F8: variants seen among roughly 807,000 people sequenced by gnomAD.
F8 encodes coagulation factor VIII.
F8 carries 12 observed loss-of-function variants against 140.6 expected under a neutral mutation model. The observed-to-expected ratio is 0.09, with a 90% CI of 0.05 to 0.14. F8 has a LOEUF of 0.14. F8 is among the 10% of genes least tolerant of loss of function. F8 has a pLI of 1.00. For missense variants in F8, 1,354 were observed against 1,720.7 expected (o/e 0.79, Z 3.77); for synonymous variants, 585 against 614.6 (o/e 0.95, Z 0.71).
intron 22 of F8, among the ~76,000 whole-genome samples, chrX:154,878,451 A>C (rs28838308): frequency 3.0e-5 from 3 of 99,236 alleles, no homozygotes; most frequent in Non-Finnish European, 6.0e-5. Flanking sequence ...AAAAAAAAAA[A>C]CCACTAAGCA....
intron 22 of F8, among the ~76,000 whole-genome samples, chrX:154,881,444 C>G (rs2148576917): frequency 9.6e-6 from 1 of 103,793 alleles, no homozygotes; most frequent in South Asian, 4.0e-4. Context: ...CTTGCCAGAT[C>G]CACTCCTATT....
In F8 at chrX:154,902,024, G is replaced by A. The variant is rs375609267; in HGVS notation, c.6115+27C>T. ...GTAAAGAAGTAGGCTGAGTAGGTAG[G>A]GAACCTCTGCCCACATTGCTACTCA... On this transcript the variant is annotated intron_variant, in intron 19 of 25. Coordinates refer to ENST00000360256, the MANE Select transcript of F8 (RefSeq NM_000132.4). 6.4e-5 allele frequency: 65 copies of A among 1,013,228 alleles called. No homozygotes were observed. The African/African-American group carries it at 1.1e-3, about 18-fold the overall frequency. 83.5% of individuals were successfully genotyped at this position (1,013,228 alleles called of 1,213,427 possible).
chrX:154,893,597 A>AT (rs781832349), intron 22 of F8, among the ~76,000 whole-genome samples: 55 of 110,375 alleles, frequency 5.0e-4, no homozygotes, highest in Admixed American at 4.4e-3. Flanking sequence ...CTAAACTCTG[A>AT]TTTTTTTTTA....
At chrX:154,978,586 A>G (rs1316132683) in intron 6 of F8, among the ~76,000 whole-genome samples, 1 of 111,279 alleles carries the variant, frequency 9.0e-6, no homozygotes, top group Non-Finnish European at 1.9e-5. Flanking sequence ...ATTTTTTTGT[A>G]CCCATCTTAA....
At chrX:155,011,321 C>A (rs1228980608) in intron 1 of F8, among the ~76,000 whole-genome samples, 1 of 112,364 alleles carries the variant, frequency 8.9e-6, no homozygotes, top group Admixed American at 9.4e-5. Context: ...CAACGTAAGT[C>A]ATCAGGGAAA....
chrX:154,903,159 C>A (rs2073018545), intron 18 of F8, among the ~76,000 whole-genome samples: 1 of 110,918 alleles, frequency 9.0e-6, no homozygotes, highest in Admixed American at 9.5e-5. Context: ...GGAAAGTTTA[C>A]CCCCGCTATT....
intron 14 of F8, among the ~76,000 whole-genome samples, chrX:154,914,738 C>T (rs2073086280): frequency 8.9e-6 from 1 of 112,159 alleles, no homozygotes. Context: ...AAGTTCCAAA[C>T]TTTCCCAGAT....
chrX:154,976,229 T>C (rs1329991382), intron 6 of F8, among the ~76,000 whole-genome samples: 2 of 112,036 alleles, frequency 1.8e-5, no homozygotes, highest in Non-Finnish European at 3.8e-5. Context: ...ACTTGAAGTC[T>C]ATTTTATCAG....
chrX:154,993,155 C>T lies in F8; in HGVS notation c.389-7G>A. 2.5e-6 allele frequency: 3 copies of T among 1,199,491 alleles called. No individual in the cohort carries two copies. The highest frequency in any genetic ancestry group is 3.4e-6 in the Non-Finnish European group (3 of 884,766). ...TGATCATCATATTCAGCTCCTATAG[C>T]AGGAAGAAATAAAATTGTCCTTTCT... is the stretch of plus-strand genomic sequence containing the variant. On this transcript the variant is annotated splice_region_variant and splice_polypyrimidine_tract_variant and intron_variant, in intron 3 of 25. Transcript: ENST00000360256.
At chrX:154,980,166 C>A (rs2073510045) in intron 6 of F8, among the ~76,000 whole-genome samples, 1 of 111,368 alleles carries the variant, frequency 9.0e-6, no homozygotes, top group Admixed American at 9.5e-5. Context: ...TGGTTCCTCT[C>A]CATGGAAGGG....
At chrX:154,923,902 G>A (rs782280990) in intron 14 of F8, among the ~76,000 whole-genome samples, 1 of 111,539 alleles carries the variant, frequency 9.0e-6, no homozygotes, top group East Asian at 2.8e-4. Flanking sequence ...AACCCGGGAG[G>A]TGGAGGTTGC....
At chrX:154,957,881 CA>C (rs1398376293) in intron 10 of F8, among the ~76,000 whole-genome samples, 736 of 44,325 alleles carry the variant, frequency 0.017, 3 homozygotes, top group East Asian at 0.045. Context: ...ACTCTGTCTC[CA>C]AAAAAAAAAA....
At chrX:154,976,213 T>G (rs1557282969) in intron 6 of F8, among the ~76,000 whole-genome samples, 1 of 112,039 alleles carries the variant, frequency 8.9e-6, no homozygotes, top group African/African-American at 3.2e-5. Flanking sequence ...CTTTTTATAG[T>G]TTTTGACTTG....
At chrX:154,854,399 ACC>A (rs1299789250) in intron 25 of F8, among the ~76,000 whole-genome samples, 1 of 112,328 alleles carries the variant, frequency 8.9e-6, no homozygotes, top group Non-Finnish European at 1.9e-5. Context: ...CTATTTGACT[ACC>A]TTTAAACTGG....
At chrX:154,935,981 AACACACACACACACACACACAC>A (rs782071576) in intron 13 of F8, among the ~76,000 whole-genome samples, 1 of 88,318 alleles carries the variant, frequency 1.1e-5, no homozygotes, top group Non-Finnish European at 2.2e-5. Flanking sequence ...ATGCCAAAGT[AACACACACACACACACACACAC>A]ACACACACAC....
intron 14 of F8, among the ~76,000 whole-genome samples, chrX:154,927,089 A>T (rs1384857430): frequency 1.8e-5 from 2 of 111,736 alleles, no homozygotes; most frequent in Non-Finnish European, 3.8e-5. Flanking sequence ...TCACCTCTCA[A>T]ATACTACTGA....
At chrX:154,931,856 G>A (rs1280660795) in intron 13 of F8, among the ~76,000 whole-genome samples, 180 bp from the exon 14 acceptor site, 1 of 112,373 alleles carries the variant, frequency 8.9e-6, no homozygotes, top group Non-Finnish European at 1.9e-5. Context: ...CATTGCTGCT[G>A]TTGTACTATG....
At chrX:154,849,461 CTTTTT>C (rs782727629) in intron 25 of F8, among the ~76,000 whole-genome samples, 1 of 86,619 alleles carries the variant, frequency 1.2e-5, no homozygotes, top group African/African-American at 4.3e-5. Flanking sequence ...TTTACTTTTG[CTTTTT>C]TTTTTTTTTT....
intron 13 of F8, among the ~76,000 whole-genome samples, chrX:154,940,468 A>C (rs1198613705): frequency 9.8e-5 from 11 of 112,069 alleles, no homozygotes; most frequent in African/African-American, 3.6e-4. Context: ...TTAGAGAAAA[A>C]AGAATAAAAA....
Sources: allele counts gnomAD v4.1 joint callset (sites outside exome capture counted in the v4.1 genomes callset), GRCh38; gene constraint gnomAD v4.1.1; transcripts MANE v1.5; gene names NCBI Gene and HGNC (gene_info 2026-07-23, HGNC 2026-07-21).